The following UNC13C variants were observed in gnomAD, a reference collection of about 807,000 sequenced individuals.
The protein encoded by UNC13C is protein unc-13 homolog C.
A neutral mutation model predicts 245.4 loss-of-function variants in UNC13C; 174 were observed. That is an observed-to-expected ratio of 0.71 (90% CI 0.63 to 0.80). The LOEUF is 0.80. Among genes scored for constraint, UNC13C ranks in the 30% least tolerant of loss-of-function variants. The pLI, the probability that UNC13C is intolerant of heterozygous loss-of-function variation, is 0.00. For missense variants in UNC13C, 2,829 were observed against 2,602.9 expected, an observed-to-expected ratio of 1.09 and a Z score of -1.89; for synonymous variants, 992 against 895.1, an observed-to-expected ratio of 1.11 and a Z score of -1.93.
chr15:54,170,178 A>T (rs1461551840), intron 4 of UNC13C, among the ~76,000 whole-genome samples: 1 of 152,116 alleles, frequency 6.6e-6, no homozygotes, highest in African/African-American at 2.4e-5. Context: ...GCTTGTCTCT[A>T]TTGTGATACT....
chr15:54,125,059 G>T (rs1246584433), intron 2 of UNC13C, among the ~76,000 whole-genome samples: 1 of 152,154 alleles, frequency 6.6e-6, no homozygotes, highest in African/African-American at 2.4e-5. Context: ...AATCTTAATT[G>T]AATAAAGTAA....
intron 19 of UNC13C, among the ~76,000 whole-genome samples, chr15:54,452,308 T>C (rs72736513): frequency 0.041 from 6,180 of 152,258 alleles, 155 homozygotes; most frequent in Non-Finnish European, 0.06. Context: ...GGGTGGGTCC[T>C]TGTGGCCCTG....
intron 4 of UNC13C, among the ~76,000 whole-genome samples, chr15:54,191,657 C>T (rs1312745556): frequency 6.6e-6 from 1 of 152,132 alleles, no homozygotes; most frequent in Admixed American, 6.6e-5. Flanking sequence ...AACTGATTTA[C>T]ACTCCCACCA....
At chr15:54,543,510 T>C (rs2141170330) in intron 26 of UNC13C, among the ~76,000 whole-genome samples, 1 of 152,108 alleles carries the variant, frequency 6.6e-6, no homozygotes, top group Non-Finnish European at 1.5e-5. Flanking sequence ...TAGGAGCTGG[T>C]TTTTTGAAAA....
chr15:54,188,968 C>T (rs11637746), intron 4 of UNC13C, among the ~76,000 whole-genome samples: 60,225 of 151,866 alleles, frequency 0.4, 12,605 homozygotes, highest in Non-Finnish European at 0.47. Context: ...TACATAATAC[C>T]GTTTTGGTAA....
upstream of UNC13C, among the ~76,000 whole-genome samples, chr15:53,975,371 T>C (rs1250534243): frequency 6.6e-6 from 1 of 152,222 alleles, no homozygotes; most frequent in Non-Finnish European, 1.5e-5. Flanking sequence ...TCCGTAATTA[T>C]CTGGACAACT....
chr15:54,237,153 T>C (rs2035722976), intron 6 of UNC13C, among the ~76,000 whole-genome samples: 1 of 152,188 alleles, frequency 6.6e-6, no homozygotes, highest in Non-Finnish European at 1.5e-5. Context: ...TGAATAGATA[T>C]GGAAGAATAT....
chr15:54,160,451 TATG>T (rs2032927751), intron 4 of UNC13C, among the ~76,000 whole-genome samples: 1 of 151,126 alleles, frequency 6.6e-6, no homozygotes, highest in Non-Finnish European at 1.5e-5. Context: ...TCATAGAAAC[TATG>T]ATAAGTTGTT....
intron 13 of UNC13C, among the ~76,000 whole-genome samples, chr15:54,314,998 C>T (rs1427450247): frequency 6.6e-6 from 1 of 151,750 alleles, no homozygotes; most frequent in African/African-American, 2.4e-5. Flanking sequence ...TTAATGAAAG[C>T]ATGGCAGGAG....
At chr15:54,625,720 A>C (rs1901094254) in intron 32 of UNC13C, among the ~76,000 whole-genome samples, 1 of 152,140 alleles carries the variant, frequency 6.6e-6, no homozygotes, top group Admixed American at 6.6e-5. Context: ...TTAAAACTGA[A>C]GTATCCTACT....
At chr15:54,143,128 C>G (rs1311725966) in intron 3 of UNC13C, 88 bp downstream of exon 3, 1 of 1,293,888 alleles carries the variant, frequency 7.7e-7, no homozygotes, top group Non-Finnish European at 1.1e-6. Flanking sequence ...TTTGATTCCT[C>G]TGTTTTAGTT....
At chr15:53,978,208 T>C (rs1018131289), upstream of UNC13C, among the ~76,000 whole-genome samples, 3 of 152,238 alleles carry the variant, frequency 2.0e-5, no homozygotes, top group Non-Finnish European at 4.4e-5. Flanking sequence ...AAAGGGAAGA[T>C]AGGCTGAGGA....
At chr15:53,953,184 A>T in the UNC13C span, among the ~76,000 whole-genome samples, 1 of 152,350 alleles carries the variant, frequency 6.6e-6, no homozygotes, top group Non-Finnish European at 1.5e-5. Flanking sequence ...CCTCAGAGTC[A>T]CATGGTTAAA....
chr15:54,182,477 T>C (rs2033835491), intron 4 of UNC13C, among the ~76,000 whole-genome samples: 1 of 152,002 alleles, frequency 6.6e-6, no homozygotes, highest in Non-Finnish European at 1.5e-5. Flanking sequence ...TTTCCTGTTT[T>C]GGTTGTGTCT....
At chr15:54,309,278 T>C (rs1003908165) in intron 13 of UNC13C, among the ~76,000 whole-genome samples, 2 of 151,910 alleles carry the variant, frequency 1.3e-5, no homozygotes, top group African/African-American at 2.4e-5. Context: ...ATTTTTCATA[T>C]ACTATTGGGC....
At chr15:53,871,689 G>T in the UNC13C span, among the ~76,000 whole-genome samples, 2 of 152,160 alleles carry the variant, frequency 1.3e-5, no homozygotes, top group Non-Finnish European at 2.9e-5. Context: ...ATAGCCTGTG[G>T]CTGGACTTGG....
chr15:53,904,924 A>G, the UNC13C span, among the ~76,000 whole-genome samples: 46 of 152,178 alleles, frequency 3.0e-4, no homozygotes, highest in African/African-American at 1.1e-3. Context: ...GTGAATAAGA[A>G]CTGTAACAGT....
Position 54,169,069 on chromosome 15 carries a change from G to T in UNC13C, c.3071+25385G>T, listed in dbSNP as rs147385844. 2.9e-3 allele frequency among the ~76,000 whole-genome samples: 448 copies of T among 152,276 alleles called. 3 individuals are homozygous for T. Among genetic ancestry groups the T allele is most frequent in the African/African-American group, 0.01 (433 of 41,558 alleles). On this transcript the variant is annotated intron_variant, in intron 4 of 32. Coordinates refer to ENST00000260323, the MANE Select transcript of UNC13C (RefSeq NM_001080534.3). ...TGTCACATGTTGGATAGGCTAAATG[G>T]CAAGGAAACATTTTACAGGGAACTC... is the stretch of plus-strand genomic sequence containing the variant.
chr15:54,549,963 A>G (rs1176208291), intron 28 of UNC13C, among the ~76,000 whole-genome samples: 2 of 152,314 alleles, frequency 1.3e-5, no homozygotes, highest in African/African-American at 4.8e-5. Context: ...AATCCAGTGA[A>G]GTCTAGAGAA....
Sources: gnomAD v4.1 joint callset for allele counts (sites outside exome capture counted in the v4.1 genomes callset) on GRCh38, gnomAD v4.1.1 for gene constraint, MANE v1.5 for transcripts, NCBI Gene and HGNC (gene_info 2026-07-23, HGNC 2026-07-21) for gene names.